The following MYO1C variants were observed in gnomAD, a reference collection of about 807,000 sequenced individuals.
MYO1C encodes the protein myosin IC.
A neutral mutation model predicts 150.8 loss-of-function variants in MYO1C; 104 were observed. The ratio of observed to expected loss-of-function variants is 0.69; its 90% CI spans 0.59 to 0.81. MYO1C has a LOEUF of 0.81. MYO1C is among the 30% of genes least tolerant of loss of function. MYO1C has a pLI of 0.00. For missense variants in MYO1C, 1,504 were observed against 1,435.0 expected (o/e 1.05, Z -0.78); for synonymous variants, 663 against 579.9 (o/e 1.14, Z -2.06).
At chr17:1,469,231 G>A (rs1411888338) in intron 25 of MYO1C, 12 of 433,628 alleles carry the variant, frequency 2.8e-5, no homozygotes, top group Non-Finnish European at 4.8e-5. Flanking sequence ...ACGGTAGACC[G>A]GGGTCAATAC....
Position 1,492,482 on chromosome 17 carries a change from C to T in MYO1C, c.6G>A (p.Ala2=), listed in dbSNP as rs1322707978. The part of the protein sequence containing the change: M[A]LQVELVPTGE... ...CGGTGGGTACCAGCTCCACTTGCAGCGCCATTCCGCCCTGCGGAGAGCCAG... is the reference window on the plus strand; with the variant it reads ...CGGTGGGTACCAGCTCCACTTGCAGTGCCATTCCGCCCTGCGGAGAGCCAG... The change falls in exon 1 of 32, where the codon GCG becomes GCA. Residue 2 remains alanine, a synonymous_variant. Coordinates refer to ENST00000648651, the MANE Select transcript of MYO1C (RefSeq NM_001080779.2). The T allele has an allele frequency of 6.2e-7, 1 of 1,601,688 alleles. No homozygotes were observed. Among genetic ancestry groups the T allele is most frequent in the Non-Finnish European group, 8.5e-7 (1 of 1,174,568 alleles).
chr17:1,470,607 A>C lies in MYO1C; in HGVS notation c.2281+14T>G, dbSNP rs1394763363. 2.9e-6 allele frequency: 4 copies of C among 1,399,010 alleles called. No individual in the cohort carries two copies. The highest frequency in any genetic ancestry group is 2.9e-6 in the Non-Finnish European group (3 of 1,019,142). 86.7% of individuals were successfully genotyped at this position (1,399,010 alleles called of 1,614,324 possible). A position where few individuals can be genotyped will look rare whatever the true frequency, so the allele number is the denominator to read the frequency against. On this transcript the variant is annotated intron_variant, in intron 22 of 31. Transcript: ENST00000648651. ...CAGACCCCGCCCCTCCTGAACACCC[A>C]TGGGCCCGCGAACCTGATCTCTTCA...
chr17:1,489,478 C>T (rs573976928), intron 1 of MYO1C, among the ~76,000 whole-genome samples: 1 of 152,164 alleles, frequency 6.6e-6, no homozygotes, highest in Non-Finnish European at 1.5e-5. Flanking sequence ...AGTTCAAGAC[C>T]AGCCTGGGCC....
chr17:1,491,542 C>G (rs2074734268), intron 1 of MYO1C: 13 of 824,838 alleles, frequency 1.6e-5, no homozygotes, highest in Non-Finnish European at 1.9e-5. Flanking sequence ...CCCGGCCCGG[C>G]CGCCCGCTCC....
chr17:1,485,203 G>A, intron 1 of MYO1C: 1 of 1,180,810 alleles, frequency 8.5e-7, no homozygotes, highest in East Asian at 6.4e-5. Flanking sequence ...CCCACAACCA[G>A]GGCTGAGATG....
chr17:1,482,384 G>A (rs948228081), intron 5 of MYO1C, 94 bp downstream of exon 5: 3 of 1,134,116 alleles, frequency 2.6e-6, no homozygotes, highest in African/African-American at 1.5e-5. Context: ...TGCTGGAATT[G>A]CAGCACCTGG....
chr17:1,464,265 C>T lies in MYO1C; in HGVS notation c.*1461G>A, dbSNP rs1302146640. 6.5e-6 allele frequency: 1 copy of T among 152,722 alleles called. No individual in the cohort carries two copies. Among genetic ancestry groups the T allele is most frequent in the Non-Finnish European group, 1.5e-5 (1 of 68,116 alleles). The allele number at this position is 152,722 out of a possible 1,614,324, so 9.5% of individuals were successfully genotyped here. A position where few individuals can be genotyped will look rare whatever the true frequency, so the allele number is the denominator to read the frequency against. ...CAGTGGGCTGAGACCCCCAGAAGGG[C>T]ATAGAGGCAGCTGGGCAGCCCCCAG... On this transcript the variant is annotated 3_prime_UTR_variant, in exon 32 of 32. Transcript: ENST00000648651.
At chr17:1,473,531 T>C (rs952002381) in intron 17 of MYO1C, among the ~76,000 whole-genome samples, 1 of 152,162 alleles carries the variant, frequency 6.6e-6, no homozygotes, top group African/African-American at 2.4e-5. Context: ...GTCGCCTGCA[T>C]GCCCTCCCTG....
rs532580168 is a variant in MYO1C at position 1,473,198 on chromosome 17, TCAAAAA to T, written c.1798-976_1798-971del. Among the ~76,000 whole-genome samples the T allele has an allele frequency of 4.5e-3, 687 of 152,158 alleles. 1 individual carries two copies. Among genetic ancestry groups the T allele is most frequent in the Non-Finnish European group, 7.5e-3 (509 of 67,982 alleles). ...CTGGGTGACAGAGCGAGACTCCGTCTCAAAAACAAAAACAAAAACAAAAAAGGGGAT... is the reference window on the plus strand; with the variant it reads ...CTGGGTGACAGAGCGAGACTCCGTCTCAAAAACAAAAACAAAAAAGGGGAT... On this transcript the variant is annotated intron_variant, in intron 17 of 31. Transcript: ENST00000648651.
At chr17:1,470,861 G>T in intron 21 of MYO1C, 172 bp from the exon 22 acceptor site, 2 of 918,934 alleles carry the variant, frequency 2.2e-6, no homozygotes, top group East Asian at 5.3e-5. Context: ...AAGGGGGGCG[G>T]CGGGTGGGAT....
intron 1 of MYO1C, 152 bp from the exon 2 acceptor site, chr17:1,484,455 T>C (rs2074609128): frequency 2.1e-6 from 1 of 466,290 alleles, no homozygotes; most frequent in Non-Finnish European, 3.4e-6. Context: ...GGGGCCTGGG[T>C]GCTGAGGGCC....
In MYO1C at chr17:1,467,895, C is replaced by A. The variant is rs1282721374; in HGVS notation, c.2912G>T (p.Ser971Ile). 2 of 1,611,780 alleles carry A rather than the reference C, an allele frequency of 1.2e-6. No homozygotes were observed. The highest frequency in any genetic ancestry group is 4.5e-5 in the East Asian group (2 of 44,788). ...YANLTGISVS[S>I]LSDSLFVLHV... Reference sequence around the variant, plus strand: ...AAGCACAAAAAGACTGTCGCTCAGGCTGCTGACAGAGATTCCTGAGGGGAG... The same window carrying A: ...AAGCACAAAAAGACTGTCGCTCAGGATGCTGACAGAGATTCCTGAGGGGAG... Residue 971 changes from serine (S) to isoleucine (I), a missense_variant, in exon 29 of 32, where the codon AGC (serine) becomes ATC (isoleucine). Coordinates refer to ENST00000648651, the MANE Select transcript of MYO1C (RefSeq NM_001080779.2).
rs2074254713 is a variant in MYO1C at position 1,469,512 on chromosome 17, C to T, written c.2610+19G>A. 1 of 1,593,336 alleles carries T rather than the reference C, an allele frequency of 6.3e-7. No individual in the cohort carries two copies. The highest frequency in any genetic ancestry group is 1.3e-5 in the African/African-American group (1 of 74,224). On this transcript the variant is annotated intron_variant, in intron 25 of 31. Coordinates refer to ENST00000648651, the MANE Select transcript of MYO1C (RefSeq NM_001080779.2). The stretch of plus-strand genomic sequence containing the variant: ...CCTGACTCCACTTCCTCATCCTCAC[C>T]CAGCCCCGCTCTCCGTACCTGCTGC...
At chr17:1,486,901 A>C (rs2074667158) in intron 1 of MYO1C, 1 of 152,102 alleles carries the variant, frequency 6.6e-6, no homozygotes, top group South Asian at 2.1e-4. Flanking sequence ...CCTCGGCAGA[A>C]CCTCCCTCGC....
intron 5 of MYO1C, among the ~76,000 whole-genome samples, chr17:1,481,967 T>G (rs1373820348): frequency 6.6e-6 from 1 of 152,100 alleles, no homozygotes; most frequent in Non-Finnish European, 1.5e-5. Flanking sequence ...CCCTCGTATC[T>G]CAGGCCTTTG....
At chr17:1,472,665 C>T (rs1567519990) in intron 17 of MYO1C, among the ~76,000 whole-genome samples, 1 of 152,196 alleles carries the variant, frequency 6.6e-6, no homozygotes, top group Non-Finnish European at 1.5e-5. Flanking sequence ...ACTCACAATC[C>T]CGGTGTTCCG....
intron 1 of MYO1C, chr17:1,484,912 G>C (rs1330811401): frequency 4.6e-6 from 2 of 432,896 alleles, no homozygotes; most frequent in African/African-American, 2.2e-5. Context: ...GTAGAGCGTC[G>C]AGCACCAAGC....
At chr17:1,468,757 C>A in intron 25 of MYO1C, 1 of 549,028 alleles carries the variant, frequency 1.8e-6, no homozygotes, top group Non-Finnish European at 3.3e-6. Flanking sequence ...GCTTCCCCAC[C>A]CCATCAGGCC....
Position 1,467,508 on chromosome 17 carries a change from C to A in MYO1C, c.3037G>T (p.Val1013Leu). ...LTKTALSANRVNSININQGSI... is the reference protein window; with the variant it reads ...LTKTALSANRLNSININQGSI... ...CCCTGGTTGATGTTGATGCTGTTCACGCGGTTGGCACTGAGGGCTGTCTTG... is the reference window on the plus strand; with the variant it reads ...CCCTGGTTGATGTTGATGCTGTTCAAGCGGTTGGCACTGAGGGCTGTCTTG... The change falls in exon 30 of 32, where the codon GTG (valine) becomes TTG (leucine). Residue 1013 changes from valine (V) to leucine (L), a missense_variant. By Grantham distance (32) the Val-to-Leu change is conservative. Transcript: ENST00000648651. 1 of 1,613,524 alleles carries A rather than the reference C, an allele frequency of 6.2e-7. No homozygotes were observed. The highest frequency in any genetic ancestry group is 1.1e-5 in the South Asian group (1 of 91,072).
Sources: allele counts gnomAD v4.1 joint callset (sites outside exome capture counted in the v4.1 genomes callset), GRCh38; gene constraint gnomAD v4.1.1; transcripts MANE v1.5; gene names NCBI Gene and HGNC (gene_info 2026-07-23, HGNC 2026-07-21).